Variants in MAGI1 observed in about 807,000 individuals in gnomAD.
The protein encoded by MAGI1 is membrane associated guanylate kinase, WW and PDZ domain containing 1, also known as membrane-associated guanylate kinase, WW and PDZ domain-containing protein 1.
Under a neutral mutation model 139.9 loss-of-function variants are expected in MAGI1, and 58 were observed. The observed-to-expected ratio is 0.41, with a 90% CI of 0.34 to 0.52. The LOEUF is 0.52. Ranked by LOEUF, MAGI1 falls within the 20% of genes least tolerant of loss-of-function variation. The pLI, the probability that MAGI1 is intolerant of heterozygous loss-of-function variation, is 0.12. For synonymous variants in MAGI1, 812 were observed against 737.9 expected (o/e 1.10, Z -1.63); for missense variants, 1,874 against 1,901.6 (o/e 0.99, Z 0.27).
At chr3:65,527,480 C>G (rs954362071) in intron 2 of MAGI1, among the ~76,000 whole-genome samples, 1 of 152,164 alleles carries the variant, frequency 6.6e-6, no homozygotes, top group East Asian at 1.9e-4. Flanking sequence ...AATCCCAGCA[C>G]TTTGGGAGGC....
chr3:65,396,956 GT>G (rs1177692259), intron 13 of MAGI1, among the ~76,000 whole-genome samples: 1 of 152,196 alleles, frequency 6.6e-6, no homozygotes, highest in Admixed American at 6.5e-5. Context: ...ATGAAAATGG[GT>G]TCTGGTTCAC....
chr3:65,610,777 C>A (rs1191034071), intron 2 of MAGI1, among the ~76,000 whole-genome samples: 1 of 68,978 alleles, frequency 1.4e-5, no homozygotes, highest in Non-Finnish European at 3.4e-5. Context: ...TATATATATA[C>A]TGTATATAGT....
At chr3:65,430,963 T>A in intron 10 of MAGI1, 82 bp from the exon 11 acceptor site, 1 of 1,350,140 alleles carries the variant, frequency 7.4e-7, no homozygotes, top group Non-Finnish European at 1.0e-6. Context: ...AACATATAGA[T>A]AATTCTTCAC....
At chr3:65,614,184 C>T (rs146857608) in intron 2 of MAGI1, among the ~76,000 whole-genome samples, 257 of 152,278 alleles carry the variant, frequency 1.7e-3, no homozygotes, top group African/African-American at 5.9e-3. Flanking sequence ...GCTAATGACA[C>T]ACAGGGGCAG....
Position 65,356,953 on chromosome 3 carries a change from ACT to A in MAGI1, c.3812_3813del (p.Glu1271ValfsTer2), listed in dbSNP as rs2106675439. 6.2e-7 allele frequency: 1 copy of A among 1,613,518 alleles called. No homozygotes were observed. The highest frequency in any genetic ancestry group is 1.1e-5 in the South Asian group (1 of 91,036). Reference sequence around the variant, plus strand: ...TGGTGTTCATTGGGTTGTCTGCTATACTCTCTGCTGCCTTTCGGATCCCTTGC... The same window carrying A: ...TGGTGTTCATTGGGTTGTCTGCTATACTCTGCTGCCTTTCGGATCCCTTGC... The part of the protein sequence containing the change: ...AHARDPKGSR[E>X]YSRQPNEHHT... On this transcript the variant is annotated frameshift_variant, in exon 23 of 23. Coordinates refer to ENST00000402939, the MANE Select transcript of MAGI1 (RefSeq NM_001033057.2). LOFTEE classifies it low-confidence loss of function (END_TRUNC).
chr3:65,724,035 G>A (rs1044809379), intron 1 of MAGI1, among the ~76,000 whole-genome samples: 24 of 152,194 alleles, frequency 1.6e-4, no homozygotes, highest in African/African-American at 5.1e-4. Context: ...TTAATACTCT[G>A]AGCAAAGCAT....
intron 1 of MAGI1, among the ~76,000 whole-genome samples, chr3:65,839,365 T>C (rs1373843738): frequency 6.6e-6 from 1 of 152,200 alleles, no homozygotes; most frequent in South Asian, 2.1e-4. Context: ...GTATTTATTA[T>C]ATTATACTTT....
rs140349688 is a variant in MAGI1 at position 65,486,941 on chromosome 3, T to C, written c.550+6571A>G. Among the ~76,000 whole-genome samples the C allele has an allele frequency of 4.9e-3, 741 of 152,314 alleles. 4 individuals are homozygous for C. Among genetic ancestry groups the C allele is most frequent in the Admixed American group, 6.7e-3 (103 of 15,304 alleles). On this transcript the variant is annotated intron_variant, in intron 3 of 22. Coordinates refer to ENST00000402939, the MANE Select transcript of MAGI1 (RefSeq NM_001033057.2). ...GAAACTAGGAGTTATCTTAGGAGGA[T>C]TGTCATCATCTGTCTTTTCTACCTC...
At chr3:65,832,768 T>C (rs1421246360) in intron 1 of MAGI1, among the ~76,000 whole-genome samples, 1 of 152,128 alleles carries the variant, frequency 6.6e-6, no homozygotes. Context: ...AGGCAAAGCA[T>C]CTGCCTTCAA....
chr3:65,953,243 A>G (rs1163433511), intron 1 of MAGI1, among the ~76,000 whole-genome samples: 2 of 152,226 alleles, frequency 1.3e-5, no homozygotes, highest in African/African-American at 4.8e-5. Context: ...TAGATAAGTA[A>G]GGACAGCTGC....
At chr3:65,779,882 G>T (rs1201511653) in intron 1 of MAGI1, among the ~76,000 whole-genome samples, 3 of 151,988 alleles carry the variant, frequency 2.0e-5, no homozygotes, top group Non-Finnish European at 2.9e-5. Context: ...CATGTGATGG[G>T]AACATTTACT....
chr3:65,489,605 G>A (rs1951859092), intron 3 of MAGI1, among the ~76,000 whole-genome samples: 1 of 152,064 alleles, frequency 6.6e-6, no homozygotes, highest in Admixed American at 6.5e-5. Context: ...ATAGATAGAT[G>A]TAGAGATATA....
chr3:65,701,937 C>T (rs567043108), intron 1 of MAGI1, among the ~76,000 whole-genome samples: 1 of 152,282 alleles, frequency 6.6e-6, no homozygotes, highest in Admixed American at 6.5e-5. Context: ...AAGCGCTATG[C>T]AAATTATATG....
Position 65,432,574 on chromosome 3 carries a change from T to G in MAGI1, c.1364-1693A>C, listed in dbSNP as rs1054791185. Reference sequence around the variant, plus strand: ...TCTCTAGCGCAGTCCCAAAGCTTATTGGAAGGTTGACAAACTACAGCCCTG... The same window carrying G: ...TCTCTAGCGCAGTCCCAAAGCTTATGGGAAGGTTGACAAACTACAGCCCTG... On this transcript the variant is annotated intron_variant, in intron 10 of 22. Coordinates refer to ENST00000402939, the MANE Select transcript of MAGI1 (RefSeq NM_001033057.2). 4.1e-4 allele frequency among the ~76,000 whole-genome samples: 63 copies of G among 152,184 alleles called. 3 individuals are homozygous for G.
At chr3:65,713,452 AAAAG>A (rs1405219436) in intron 1 of MAGI1, among the ~76,000 whole-genome samples, 1 of 152,178 alleles carries the variant, frequency 6.6e-6, no homozygotes, top group Non-Finnish European at 1.5e-5. Flanking sequence ...AAAAAGAAAA[AAAAG>A]AAAGAAACTC....
intron 1 of MAGI1, among the ~76,000 whole-genome samples, chr3:66,037,481 C>G (rs1020669515): frequency 1.3e-5 from 2 of 152,138 alleles, no homozygotes; most frequent in African/African-American, 4.8e-5. Context: ...GGCTCAGGAA[C>G]CGCCAGGCAG....
chr3:65,609,463 G>C (rs985344552), intron 2 of MAGI1, among the ~76,000 whole-genome samples: 3 of 151,924 alleles, frequency 2.0e-5, no homozygotes, highest in South Asian at 2.1e-4. Context: ...ATTTTTAGGA[G>C]AGATGGGGTT....
intron 1 of MAGI1, among the ~76,000 whole-genome samples, chr3:65,931,790 A>G (rs965143322): frequency 2.6e-5 from 4 of 152,344 alleles, no homozygotes; most frequent in Non-Finnish European, 4.4e-5. Context: ...TGTGGATTTG[A>G]ACCCAATTGT....
intron 2 of MAGI1, among the ~76,000 whole-genome samples, chr3:65,550,131 T>G (rs549311805): frequency 1.3e-5 from 2 of 152,316 alleles, no homozygotes; most frequent in East Asian, 3.9e-4. Context: ...ACATTAGCTC[T>G]GCATTCAAGG....
Sources: gnomAD v4.1 joint callset for allele counts (sites outside exome capture counted in the v4.1 genomes callset) on GRCh38, gnomAD v4.1.1 for gene constraint, MANE v1.5 for transcripts, NCBI Gene and HGNC (gene_info 2026-07-23, HGNC 2026-07-21) for gene names.